Variants in LRP1B observed in about 807,000 individuals in gnomAD.
LRP1B encodes LDL receptor related protein 1B.
A neutral mutation model predicts 556.6 loss-of-function variants in LRP1B; 217 were observed. The ratio of observed to expected loss-of-function variants is 0.39; its 90% CI spans 0.35 to 0.44. LRP1B has a LOEUF of 0.44. Among genes scored for constraint, LRP1B ranks in the 20% least tolerant of loss-of-function variants. The probability of loss-of-function intolerance (pLI) is 1.00; values close to 1 mark genes in which losing one functional copy is unlikely to be tolerated. For missense variants in LRP1B, 5,053 were observed against 5,620.8 expected, an observed-to-expected ratio of 0.90 and a Z score of 3.23; for synonymous variants, 2,047 against 1,865.8, an observed-to-expected ratio of 1.10 and a Z score of -2.50.
chr2:140,510,451 T>C (rs1232244637), intron 51 of LRP1B, among the ~76,000 whole-genome samples: 1 of 152,222 alleles, frequency 6.6e-6, no homozygotes, highest in African/African-American at 2.4e-5. Flanking sequence ...GCACTTAACA[T>C]ATTAACTCAT....
chr2:141,164,800 A>G (rs1680180554), intron 7 of LRP1B, among the ~76,000 whole-genome samples: 1 of 152,056 alleles, frequency 6.6e-6, no homozygotes, highest in South Asian at 2.1e-4. Context: ...GAGTCATTCT[A>G]AGAAGGGGTA....
intron 2 of LRP1B, among the ~76,000 whole-genome samples, chr2:141,527,483 A>AT (rs1684728900): frequency 1.3e-5 from 2 of 152,176 alleles, no homozygotes; most frequent in African/African-American, 4.8e-5. Context: ...ACTTGCCATC[A>AT]TTATAGATTT....
At chr2:142,024,838 A>C (rs1215621474) in intron 1 of LRP1B, among the ~76,000 whole-genome samples, 2 of 152,034 alleles carry the variant, frequency 1.3e-5, no homozygotes, top group Admixed American at 6.6e-5. Flanking sequence ...CTGGCTCCTG[A>C]ATACACATTT....
intron 35 of LRP1B, among the ~76,000 whole-genome samples, chr2:140,723,948 C>T (rs1687502742): frequency 6.6e-6 from 1 of 152,090 alleles, no homozygotes; most frequent in Non-Finnish European, 1.5e-5. Context: ...ATAAACAGTT[C>T]CTTCCAGGAG....
At chr2:140,341,842 A>G (rs1219713677) in intron 77 of LRP1B, among the ~76,000 whole-genome samples, 1 of 151,398 alleles carries the variant, frequency 6.6e-6, no homozygotes, top group African/African-American at 2.4e-5. Context: ...TACGATGATC[A>G]GGTTAATGTT....
intron 1 of LRP1B, among the ~76,000 whole-genome samples, chr2:141,821,661 T>C (rs1039257591): frequency 7.9e-5 from 12 of 152,196 alleles, no homozygotes; most frequent in Admixed American, 7.2e-4. Context: ...TACAAAAATA[T>C]GATAATGTCC....
At chr2:140,364,594 T>C (rs2105150932) in intron 72 of LRP1B, 67 bp downstream of exon 72, 2 of 1,570,428 alleles carry the variant, frequency 1.3e-6, no homozygotes, top group South Asian at 2.3e-5. Flanking sequence ...CCCCACTTCA[T>C]TGATTCATGC....
intron 67 of LRP1B, among the ~76,000 whole-genome samples, chr2:140,380,281 C>T (rs1683413280): frequency 1.3e-5 from 2 of 152,104 alleles, no homozygotes; most frequent in African/African-American, 2.4e-5. Context: ...TGTATCATTG[C>T]TTCCCATACA....
At chr2:141,526,625 C>T (rs1684700685) in intron 2 of LRP1B, among the ~76,000 whole-genome samples, 1 of 152,028 alleles carries the variant, frequency 6.6e-6, no homozygotes, top group South Asian at 2.1e-4. Flanking sequence ...CTGCCTTCCA[C>T]TTGCTCTCCT....
chr2:141,186,935 A>T (rs1464570596), intron 7 of LRP1B, among the ~76,000 whole-genome samples: 1 of 152,048 alleles, frequency 6.6e-6, no homozygotes, highest in African/African-American at 2.4e-5. Context: ...GGAAAAACAC[A>T]ATAGTTTTAT....
At chr2:141,428,510 T>G (rs1680453850) in intron 3 of LRP1B, among the ~76,000 whole-genome samples, 1 of 152,248 alleles carries the variant, frequency 6.6e-6, no homozygotes, top group Admixed American at 6.5e-5. Context: ...AGTTAAGTGA[T>G]GTACATCTTT....
At chr2:141,742,298 C>T (rs1277062693) in intron 2 of LRP1B, among the ~76,000 whole-genome samples, 1 of 144,192 alleles carries the variant, frequency 6.9e-6, no homozygotes, top group Non-Finnish European at 1.5e-5. Flanking sequence ...GTTGCCTAGG[C>T]TGGAGTGTAG....
intron 49 of LRP1B, among the ~76,000 whole-genome samples, chr2:140,522,002 C>A (rs941111089): frequency 6.6e-6 from 1 of 152,000 alleles, no homozygotes. Context: ...TAGCAGAATT[C>A]AATACTCCAG....
chr2:141,246,908 T>C (rs1446605247), intron 5 of LRP1B, among the ~76,000 whole-genome samples: 1 of 152,040 alleles, frequency 6.6e-6, no homozygotes, highest in African/African-American at 2.4e-5. Context: ...GAGGTTGAAG[T>C]GAGCTGAGAT....
At chr2:140,718,325 C>CA (rs1559074216) in intron 35 of LRP1B, among the ~76,000 whole-genome samples, 1 of 151,936 alleles carries the variant, frequency 6.6e-6, no homozygotes, top group Non-Finnish European at 1.5e-5. Context: ...GCACATGCAC[C>CA]ACTTCTAATC....
intron 7 of LRP1B, among the ~76,000 whole-genome samples, chr2:141,153,304 A>G (rs1288664495): frequency 1.6e-5 from 2 of 123,578 alleles, no homozygotes; most frequent in Non-Finnish European, 3.2e-5. Context: ...TATATAATAT[A>G]TTATATATAT....
chr2:140,363,030 T>C (rs1682590647), intron 72 of LRP1B, among the ~76,000 whole-genome samples: 1 of 151,800 alleles, frequency 6.6e-6, no homozygotes, highest in East Asian at 1.9e-4. Flanking sequence ...TGTCTTTTAG[T>C]CTAGCTCCTT....
At chr2:142,085,595 T>C (rs540089068) in intron 1 of LRP1B, among the ~76,000 whole-genome samples, 2 of 152,312 alleles carry the variant, frequency 1.3e-5, no homozygotes, top group African/African-American at 4.8e-5. Flanking sequence ...TCCATTATTA[T>C]ATCTTATTAT....
chr2:140,838,646 CAG>C (rs1691997959), intron 31 of LRP1B, among the ~76,000 whole-genome samples: 2 of 151,808 alleles, frequency 1.3e-5, no homozygotes, highest in South Asian at 2.1e-4. Flanking sequence ...ATTCTTTTCC[CAG>C]ATTCAAAAAA....
Sources: allele counts gnomAD v4.1 joint callset (sites outside exome capture counted in the v4.1 genomes callset), GRCh38; gene constraint gnomAD v4.1.1; transcripts MANE v1.5; gene names NCBI Gene and HGNC (gene_info 2026-07-23, HGNC 2026-07-21).